NAT1: variants seen among roughly 807,000 people sequenced by gnomAD.
NAT1 encodes the protein N-acetyltransferase 1.
For synonymous variants in NAT1, 144 were observed against 122.6 expected (o/e 1.17, Z -1.16); for missense variants, 400 against 339.2 (o/e 1.18, Z -1.41).
At chr8:18,219,362 C>G in intron 1 of NAT1, 49 bp from the exon 2 acceptor site, 1 of 1,272,400 alleles carries the variant, frequency 7.9e-7, no homozygotes, top group Non-Finnish European at 1.1e-6. Context: ...ATTTTGTTTT[C>G]AAGGAAGTCA....
intron 1 of NAT1, among the ~76,000 whole-genome samples, chr8:18,215,436 T>G (rs1369745587): frequency 6.6e-6 from 1 of 152,264 alleles, no homozygotes; most frequent in Non-Finnish European, 1.5e-5. Context: ...CGATATTGTA[T>G]CTATATGGTT....
At chr8:18,193,555 C>T (rs2117266428) in intron 2 of NAT1, among the ~76,000 whole-genome samples, 1 of 146,026 alleles carries the variant, frequency 6.8e-6, no homozygotes, top group South Asian at 2.1e-4. Context: ...AGAACCAGGT[C>T]CTTAAAGAGA....
Position 18,219,391 on chromosome 8 carries a change from G to A in NAT1, c.-85-20G>A, listed in dbSNP as rs945735769. ...GAAGTCATGTTATATATTTCTGACTGTCTTTTCTCTTATTTCTAGAATTCA... is the reference window on the plus strand; with the variant it reads ...GAAGTCATGTTATATATTTCTGACTATCTTTTCTCTTATTTCTAGAATTCA... On this transcript the variant is annotated intron_variant, in intron 1 of 2. Coordinates refer to ENST00000307719, the MANE Select transcript of NAT1 (RefSeq NM_000662.8). 8.6e-6 allele frequency: 13 copies of A among 1,506,376 alleles called. No individual in the cohort carries two copies. The highest frequency in any genetic ancestry group is 2.1e-5 in the Admixed American group (1 of 48,378). 93.3% of individuals were successfully genotyped at this position (1,506,376 alleles called of 1,614,324 possible).
chr8:18,186,883 T>C (rs1802760088), intron 2 of NAT1, among the ~76,000 whole-genome samples: 1 of 152,050 alleles, frequency 6.6e-6, no homozygotes, highest in South Asian at 2.1e-4. Flanking sequence ...AGAGAAAATA[T>C]TTGCAAGGAG....
chr8:18,182,947 T>A (rs1802576649), intron 2 of NAT1, among the ~76,000 whole-genome samples: 1 of 152,208 alleles, frequency 6.6e-6, no homozygotes, highest in African/African-American at 2.4e-5. Flanking sequence ...TATTATTAGA[T>A]TTATTACTAT....
At chr8:18,183,532 T>C (rs1257104090) in intron 2 of NAT1, among the ~76,000 whole-genome samples, 2 of 152,152 alleles carry the variant, frequency 1.3e-5, no homozygotes, top group Non-Finnish European at 2.9e-5. Flanking sequence ...ACCCATGTAG[T>C]GTCTTAAAGG....
At chr8:18,183,666 C>T (rs75849400) in intron 2 of NAT1, among the ~76,000 whole-genome samples, 114 of 152,270 alleles carry the variant, frequency 7.5e-4, no homozygotes, top group African/African-American at 2.5e-3. Context: ...CATCCTGAGA[C>T]GAATCCCCTC....
chr8:18,186,863 C>G (rs1802759309), intron 2 of NAT1, among the ~76,000 whole-genome samples: 1 of 152,080 alleles, frequency 6.6e-6, no homozygotes. Flanking sequence ...AACAGACAAC[C>G]TACAGAATGA....
chr8:18,192,026 A>G (rs575876988), intron 2 of NAT1, among the ~76,000 whole-genome samples: 1 of 151,818 alleles, frequency 6.6e-6, no homozygotes, highest in Admixed American at 6.6e-5. Context: ...GCACAGCAAA[A>G]GAAACTACCA....
At chr8:18,202,091 T>A (rs1803487851) in intron 2 of NAT1, among the ~76,000 whole-genome samples, 1 of 152,200 alleles carries the variant, frequency 6.6e-6, no homozygotes, top group Admixed American at 6.5e-5. Context: ...TCCTAAACCA[T>A]TAGAAATTGT....
chr8:18,183,269 C>T (rs1802594006), intron 2 of NAT1, among the ~76,000 whole-genome samples: 1 of 152,164 alleles, frequency 6.6e-6, no homozygotes, highest in African/African-American at 2.4e-5. Context: ...CATCAAGCCC[C>T]ACCTCTCAAT....
chr8:18,187,820 T>C (rs1230782391), intron 2 of NAT1, among the ~76,000 whole-genome samples: 1 of 152,022 alleles, frequency 6.6e-6, no homozygotes, highest in East Asian at 1.9e-4. Flanking sequence ...AGTTTACCTA[T>C]ATAACAAACC....
At chr8:18,171,135 C>T (rs1310078507) in intron 2 of NAT1, among the ~76,000 whole-genome samples, 1 of 152,146 alleles carries the variant, frequency 6.6e-6, no homozygotes, top group Non-Finnish European at 1.5e-5. Flanking sequence ...CCCAGTCCTA[C>T]AGGGAGGCCT....
chr8:18,193,263 T>C (rs1589074735), intron 2 of NAT1, among the ~76,000 whole-genome samples: 2 of 149,558 alleles, frequency 1.3e-5, no homozygotes, highest in Middle Eastern at 6.9e-3. Flanking sequence ...AATTTTTTTG[T>C]AGAGATGGGG....
chr8:18,209,648 C>T (rs1355302989), upstream of NAT1: 1 of 152,048 alleles, frequency 6.6e-6, no homozygotes, highest in East Asian at 1.9e-4. Flanking sequence ...GTAGAGAGGC[C>T]AGTGGGAATG....
intron 2 of NAT1, among the ~76,000 whole-genome samples, chr8:18,181,806 A>G (rs982274508): frequency 8.5e-5 from 13 of 152,116 alleles, no homozygotes; most frequent in Non-Finnish European, 1.8e-4. Context: ...ATTTTATGAA[A>G]TGTTTCCGCT....
At chr8:18,187,781 T>A (rs1802802637) in intron 2 of NAT1, among the ~76,000 whole-genome samples, 1 of 151,964 alleles carries the variant, frequency 6.6e-6, no homozygotes, top group Non-Finnish European at 1.5e-5. Context: ...GGTGATGAAA[T>A]AATCTGTACA....
chr8:18,217,105 T>C (rs1589119509), intron 1 of NAT1: 1 of 724,852 alleles, frequency 1.4e-6, no homozygotes, highest in East Asian at 2.7e-5. Flanking sequence ...CCTTTATTTG[T>C]TATATAACTG....
chr8:18,214,992 TC>T (rs992768344), intron 1 of NAT1, among the ~76,000 whole-genome samples: 1 of 152,230 alleles, frequency 6.6e-6, no homozygotes, highest in African/African-American at 2.4e-5. Flanking sequence ...TCCCGCTCCA[TC>T]CATGTTTCCA....
Sources: allele counts gnomAD v4.1 joint callset (sites outside exome capture counted in the v4.1 genomes callset), GRCh38; gene constraint gnomAD v4.1.1; transcripts MANE v1.5; gene names NCBI Gene and HGNC (gene_info 2026-07-23, HGNC 2026-07-21).